Variants in MAP4K3 observed in about 807,000 individuals in gnomAD.
MAP4K3 encodes the protein MAPK/ERK kinase kinase kinase 3.
In MAP4K3, 94 loss-of-function variants were observed where a neutral mutation model predicts 143.5. The ratio of observed to expected loss-of-function variants is 0.65; its 90% CI spans 0.55 to 0.78. MAP4K3 has a LOEUF of 0.78. MAP4K3 is among the 30% of genes least tolerant of loss of function. The probability of loss-of-function intolerance (pLI) is 0.00; values close to 1 mark genes in which losing one functional copy is unlikely to be tolerated. For missense variants in MAP4K3, 1,077 were observed against 1,068.1 expected (o/e 1.01, Z -0.12); for synonymous variants, 416 against 347.2 (o/e 1.20, Z -2.20).
chr2:39,353,876 C>T (rs752485609), intron 3 of MAP4K3, among the ~76,000 whole-genome samples: 3 of 152,108 alleles, frequency 2.0e-5, no homozygotes, highest in African/African-American at 7.2e-5. Flanking sequence ...CCTATCCTGT[C>T]ATGTAGATAT....
chr2:39,271,873 A>C (rs1471722710), intron 26 of MAP4K3: 1 of 165,338 alleles, frequency 6.0e-6, no homozygotes, highest in Non-Finnish European at 1.3e-5. Context: ...TTGGGATTAC[A>C]GGCGTGAGCC....
chr2:39,371,481 G>A (rs58824151), intron 2 of MAP4K3, among the ~76,000 whole-genome samples: 9,485 of 152,068 alleles, frequency 0.062, 391 homozygotes, highest in African/African-American at 0.11. Context: ...GCCAATACAC[G>A]TTGAATTTCC....
At chr2:39,315,676 T>G (rs1683092835) in intron 12 of MAP4K3, among the ~76,000 whole-genome samples, 1 of 152,170 alleles carries the variant, frequency 6.6e-6, no homozygotes, top group African/African-American at 2.4e-5. Flanking sequence ...ATATTCTTAT[T>G]TGTATGTGCA....
chr2:39,415,223 A>C (rs924474448), intron 1 of MAP4K3, among the ~76,000 whole-genome samples: 10 of 152,222 alleles, frequency 6.6e-5, no homozygotes, highest in Admixed American at 6.5e-4. Flanking sequence ...AGTATGTACT[A>C]CAACTGAACA....
chr2:39,436,989 GC>G lies in MAP4K3; in HGVS notation c.-3del, dbSNP rs1179920990. ...GGACAAATCGAAGCCGGGGTTCATG[GC>G]GGGCCCCAGGTGCCCCCCGCCTCCC... On this transcript the variant is annotated 5_prime_UTR_variant, in exon 1 of 34. Coordinates refer to ENST00000263881, the MANE Select transcript of MAP4K3 (RefSeq NM_003618.4). 6.2e-7 allele frequency: 1 copy of G among 1,609,834 alleles called. No homozygotes were observed. Among genetic ancestry groups the G allele is most frequent in the Non-Finnish European group, 8.5e-7 (1 of 1,178,318 alleles).
intron 1 of MAP4K3, among the ~76,000 whole-genome samples, chr2:39,412,794 GAATA>G (rs1667266957): frequency 1.3e-5 from 2 of 151,616 alleles, no homozygotes; most frequent in African/African-American, 4.9e-5. Flanking sequence ...TCTTACAAAT[GAATA>G]AATTGAGGCA....
chr2:39,338,228 T>G (rs1665035219), intron 4 of MAP4K3, among the ~76,000 whole-genome samples: 1 of 152,204 alleles, frequency 6.6e-6, no homozygotes, highest in Non-Finnish European at 1.5e-5. Context: ...CATTCATCAA[T>G]ATCATCTCTT....
intron 28 of MAP4K3, among the ~76,000 whole-genome samples, chr2:39,263,630 T>C (rs1680659310): frequency 6.6e-6 from 1 of 151,994 alleles, no homozygotes; most frequent in Admixed American, 6.6e-5. Context: ...TAGGTTAAGA[T>C]TAAGGAAGGC....
intron 1 of MAP4K3, among the ~76,000 whole-genome samples, chr2:39,388,152 T>G (rs1216244629): frequency 2.6e-5 from 4 of 152,032 alleles, no homozygotes; most frequent in Non-Finnish European, 5.9e-5. Flanking sequence ...TAGCACTGAG[T>G]TTGGGAAAGC....
rs547692997 is a variant in MAP4K3, at chr2:39,425,408, C to G, written c.96+11484G>C. Among the ~76,000 whole-genome samples, 31 of 152,258 alleles carry G rather than the reference C, an allele frequency of 2.0e-4. No individual in the cohort carries two copies. The East Asian group carries it at 5.8e-3, about 28-fold the overall frequency. Reference sequence around the variant, plus strand: ...CAATCTGCTACGGACTGAACTGTGTCCCTCTAAAATCCACATGTTGAAGAC... The same window carrying G: ...CAATCTGCTACGGACTGAACTGTGTGCCTCTAAAATCCACATGTTGAAGAC... On this transcript the variant is annotated intron_variant, in intron 1 of 33. Transcript: ENST00000263881.
chr2:39,294,429 T>C (rs1682186493), intron 16 of MAP4K3: 1 of 152,200 alleles, frequency 6.6e-6, no homozygotes, highest in Non-Finnish European at 1.5e-5. Flanking sequence ...ATTTTGGAGA[T>C]ACAAAAAGTG....
rs1445124941 is a variant in MAP4K3 at position 39,337,546 on chromosome 2, C to T, written c.346G>A (p.Val116Ile). Residue 116 changes from valine (V) to isoleucine (I), a missense_variant, in exon 5 of 34, where the codon GTT becomes ATT. Coordinates refer to ENST00000263881, the MANE Select transcript of MAP4K3 (RefSeq NM_003618.4). Reference protein sequence around the residue: ...GPLSELQIAYVSRETLQGLYY... With the variant: ...GPLSELQIAYISRETLQGLYY... ...TTTACCTGCAGTGTTTCTCTGCTAA[C>T]ATATGCAATTTGCAGTTCTGACAGA... 6.2e-7 allele frequency: 1 copy of T among 1,611,918 alleles called. No individual in the cohort carries two copies. Among genetic ancestry groups the T allele is most frequent in the African/African-American group, 1.3e-5 (1 of 74,854 alleles).
chr2:39,311,518 G>C (rs1209323966), intron 13 of MAP4K3, among the ~76,000 whole-genome samples: 1 of 152,230 alleles, frequency 6.6e-6, no homozygotes, highest in Non-Finnish European at 1.5e-5. Flanking sequence ...AGCGTTGGCT[G>C]ATGTGACCAA....
chr2:39,354,462 A>AAATG (rs1665548891), intron 3 of MAP4K3, among the ~76,000 whole-genome samples: 1 of 151,724 alleles, frequency 6.6e-6, no homozygotes, highest in Non-Finnish European at 1.5e-5. Context: ...ATAAATAAAT[A>AAATG]AATAATTTAG....
intron 32 of MAP4K3, 36 bp from the exon 33 acceptor site, chr2:39,251,921 TAAAGACACA>T: frequency 6.6e-7 from 1 of 1,513,044 alleles, no homozygotes; most frequent in Non-Finnish European, 9.1e-7. Context: ...TTTCTGAAAT[TAAAGACACA>T]AAATTTTTAA....
At chr2:39,359,281 A>C (rs893609757) in intron 2 of MAP4K3, among the ~76,000 whole-genome samples, 2 of 152,000 alleles carry the variant, frequency 1.3e-5, no homozygotes, top group Admixed American at 1.3e-4. Context: ...GGTAGTCATT[A>C]AATCTTAAAG....
At chr2:39,350,664 G>A (rs938616798) in intron 3 of MAP4K3, among the ~76,000 whole-genome samples, 1 of 152,032 alleles carries the variant, frequency 6.6e-6, no homozygotes. Context: ...TCTCTTTCCT[G>A]GATTACTGTA....
At chr2:39,276,244 T>C (rs756857471) in intron 24 of MAP4K3, among the ~76,000 whole-genome samples, 3 of 152,122 alleles carry the variant, frequency 2.0e-5, no homozygotes, top group African/African-American at 4.8e-5. Context: ...TATGACCAAA[T>C]TGAAAGCATT....
intron 1 of MAP4K3, among the ~76,000 whole-genome samples, chr2:39,405,427 T>C (rs1228099588): frequency 6.6e-6 from 1 of 152,180 alleles, no homozygotes; most frequent in Non-Finnish European, 1.5e-5. Context: ...TTTGAATATC[T>C]GCAAGGCCTT....
Sources: gnomAD v4.1 joint callset for allele counts (sites outside exome capture counted in the v4.1 genomes callset) on GRCh38, gnomAD v4.1.1 for gene constraint, MANE v1.5 for transcripts, NCBI Gene and HGNC (gene_info 2026-07-23, HGNC 2026-07-21) for gene names.